VIT: variants seen among roughly 807,000 people sequenced by gnomAD.
VIT encodes vitrin.
In VIT, 99 loss-of-function variants were observed where a neutral mutation model predicts 78.0. That is an observed-to-expected ratio of 1.27 (90% CI 1.08 to 1.50). The LOEUF (loss-of-function observed/expected upper bound fraction) is 1.50, where lower values mean the gene tolerates loss of function less well. VIT is among the 40% of genes most tolerant of loss of function. The pLI is 0.00. For missense variants in VIT, 1,126 were observed against 875.3 expected, an observed-to-expected ratio of 1.29 and a Z score of -3.61; for synonymous variants, 374 against 334.3, an observed-to-expected ratio of 1.12 and a Z score of -1.29.
At chr2:36,715,593 CA>C (rs1223035389) in intron 1 of VIT, among the ~76,000 whole-genome samples, 1 of 151,750 alleles carries the variant, frequency 6.6e-6, no homozygotes, top group African/African-American at 2.4e-5. Flanking sequence ...CACTGGTTCT[CA>C]AACTTGGATG....
chr2:36,805,500 G>C lies in VIT; in HGVS notation c.1225G>C (p.Ala409Pro). The C allele has an allele frequency of 6.2e-7, 1 of 1,613,990 alleles. No individual in the cohort carries two copies. The highest frequency in any genetic ancestry group is 8.5e-7 in the Non-Finnish European group (1 of 1,179,956). ...CAAAGCCAATGGAAACAGAAGCGGG[G>C]CTCCCAATGTGGTGGTGGTGATGGT... is the stretch of plus-strand genomic sequence containing the variant. The part of the protein sequence containing the change: ...FSKANGNRSG[A>P]PNVVVVMVDG... The change falls in exon 14 of 16, where the codon GCT (alanine) becomes CCT (proline). Residue 409 changes from alanine to proline, a missense_variant. Transcript: ENST00000379242.
intron 12 of VIT, 32 bp downstream of exon 12, chr2:36,787,308 G>A (rs1441138915): frequency 1.3e-6 from 2 of 1,594,158 alleles, no homozygotes; most frequent in African/African-American, 1.3e-5. Context: ...AATCCAGAAA[G>A]GAAGTCATGC....
At chr2:36,777,061 C>T (rs1398141066) in intron 9 of VIT, among the ~76,000 whole-genome samples, 2 of 117,716 alleles carry the variant, frequency 1.7e-5, no homozygotes, top group South Asian at 5.7e-4. Context: ...TGCACTCCAG[C>T]CTGGGCGACA....
intron 14 of VIT, 107 bp from the exon 15 acceptor site, chr2:36,808,365 A>C: frequency 7.0e-7 from 1 of 1,423,656 alleles, no homozygotes; most frequent in Admixed American, 2.7e-5. Context: ...TAGTGCAGAA[A>C]ACAAGGGCCT....
intron 2 of VIT, among the ~76,000 whole-genome samples, chr2:36,717,346 G>GTC (rs1553362424): frequency 7.1e-5 from 8 of 112,382 alleles, no homozygotes; most frequent in African/African-American, 3.2e-4. Flanking sequence ...GTGTGTGTGT[G>GTC]TGTGTGTGTG....
intron 13 of VIT, among the ~76,000 whole-genome samples, chr2:36,804,044 C>T (rs1213465692): frequency 6.6e-6 from 1 of 152,158 alleles, no homozygotes; most frequent in Non-Finnish European, 1.5e-5. Flanking sequence ...AAAGTCCTGG[C>T]AAACTGAGAC....
intron 12 of VIT, among the ~76,000 whole-genome samples, chr2:36,789,241 C>T (rs1665317946): frequency 6.6e-6 from 1 of 152,128 alleles, no homozygotes; most frequent in South Asian, 2.1e-4. Context: ...TGACCTTAAG[C>T]CAGTCACTTA....
intron 3 of VIT, among the ~76,000 whole-genome samples, chr2:36,733,570 GAA>G (rs79268259): frequency 0.39 from 58,600 of 152,096 alleles, 12,182 homozygotes; most frequent in Non-Finnish European, 0.46. Context: ...TATGAAGAGA[GAA>G]GAGAGAGAAC....
chr2:36,727,977 G>T (rs909679535), intron 2 of VIT, among the ~76,000 whole-genome samples: 5 of 152,176 alleles, frequency 3.3e-5, no homozygotes, highest in Non-Finnish European at 2.9e-5. Flanking sequence ...CGCCCAGGCT[G>T]GGGTGCAGTG....
intron 2 of VIT, among the ~76,000 whole-genome samples, chr2:36,717,182 AT>A (rs577779821): frequency 0.19 from 22,409 of 117,930 alleles, 2,033 homozygotes; most frequent in East Asian, 0.38. Context: ...GCCAGAGATG[AT>A]TTTTTTTTTT....
intron 7 of VIT, 74 bp downstream of exon 7, chr2:36,767,359 T>C: frequency 1.4e-6 from 2 of 1,383,004 alleles, no homozygotes; most frequent in African/African-American, 1.5e-5. Context: ...CAGCTCTGTC[T>C]GAGCATCTAC....
chr2:36,804,535 C>A (rs1051090072), intron 13 of VIT, among the ~76,000 whole-genome samples: 7 of 152,162 alleles, frequency 4.6e-5, no homozygotes, highest in Admixed American at 4.6e-4. Context: ...CACTTCTGTT[C>A]GCATGAAAGT....
At chr2:36,751,546 T>G (rs1393399029) in intron 4 of VIT, among the ~76,000 whole-genome samples, 1 of 152,038 alleles carries the variant, frequency 6.6e-6, no homozygotes, top group Admixed American at 6.5e-5. Context: ...TCAAGCAAGG[T>G]GTAGACTTTA....
chr2:36,721,257 AT>A (rs1176103720), intron 2 of VIT, among the ~76,000 whole-genome samples: 1 of 152,136 alleles, frequency 6.6e-6, no homozygotes, highest in Non-Finnish European at 1.5e-5. Flanking sequence ...AATATAGACA[AT>A]TTTTATTTGT....
At chr2:36,749,456 T>C (rs747736464) in intron 4 of VIT, among the ~76,000 whole-genome samples, 93 of 152,236 alleles carry the variant, frequency 6.1e-4, no homozygotes, top group Non-Finnish European at 7.8e-4. Flanking sequence ...AAAACATAGA[T>C]AAATGTATGC....
intron 14 of VIT, 112 bp downstream of exon 14, chr2:36,805,776 C>G (rs1412111555): frequency 8.3e-7 from 1 of 1,211,768 alleles, no homozygotes; most frequent in Non-Finnish European, 1.1e-6. Flanking sequence ...AAGCTCATCT[C>G]TAGGCAGTAA....
chr2:36,808,367 C>G (rs1184372733), intron 14 of VIT, 105 bp from the exon 15 acceptor site: 1 of 1,426,224 alleles, frequency 7.0e-7, no homozygotes, highest in East Asian at 2.5e-5. Context: ...GTGCAGAAAA[C>G]AAGGGCCTGC....
intron 3 of VIT, among the ~76,000 whole-genome samples, chr2:36,733,334 C>T (rs575951617): frequency 2.8e-4 from 43 of 151,586 alleles, no homozygotes; most frequent in African/African-American, 1.0e-3. Context: ...CTCTTGCTGT[C>T]TCTCTCTCTC....
At chr2:36,727,206 C>T (rs947393400) in intron 2 of VIT, among the ~76,000 whole-genome samples, 57 of 152,044 alleles carry the variant, frequency 3.7e-4, no homozygotes, top group African/African-American at 1.3e-3. Context: ...CCCCTTTCTC[C>T]GTGCCTTTCT....
Sources: gnomAD v4.1 joint callset for allele counts (sites outside exome capture counted in the v4.1 genomes callset) on GRCh38, gnomAD v4.1.1 for gene constraint, MANE v1.5 for transcripts, NCBI Gene and HGNC (gene_info 2026-07-23, HGNC 2026-07-21) for gene names.